The following CSMD1 variants were observed in gnomAD, a reference collection of about 807,000 sequenced individuals.
The protein encoded by CSMD1 is CUB and Sushi multiple domains 1, also known as CUB and sushi domain-containing protein 1.
Under a neutral mutation model 417.5 loss-of-function variants are expected in CSMD1, and 213 were observed. The ratio of observed to expected loss-of-function variants is 0.51; its 90% CI spans 0.46 to 0.57. The LOEUF (loss-of-function observed/expected upper bound fraction) is 0.57, where lower values mean the gene tolerates loss of function less well. Among genes scored for constraint, CSMD1 ranks in the 20% least tolerant of loss-of-function variants. The pLI, the probability that CSMD1 is intolerant of heterozygous loss-of-function variation, is 0.00. For synonymous variants in CSMD1, 2,862 were observed against 1,736.8 expected (o/e 1.65, Z -16.11); for missense variants, 6,923 against 4,529.7 (o/e 1.53, Z -15.17).
At chr8:4,315,790 A>C (rs1339037697) in intron 3 of CSMD1, among the ~76,000 whole-genome samples, 2 of 109,740 alleles carry the variant, frequency 1.8e-5, no homozygotes, top group Non-Finnish European at 4.3e-5. Context: ...TATTTTGCAT[A>C]AAGTAATTCA....
At chr8:4,396,336 A>T (rs770775916) in intron 3 of CSMD1, among the ~76,000 whole-genome samples, 3 of 151,524 alleles carry the variant, frequency 2.0e-5, no homozygotes, top group Non-Finnish European at 4.4e-5. Context: ...GCATGGTAGC[A>T]TGCACCTGTA....
At chr8:3,414,815 C>T (rs1166279881) in intron 12 of CSMD1, among the ~76,000 whole-genome samples, 9 of 152,268 alleles carry the variant, frequency 5.9e-5, no homozygotes. Flanking sequence ...ATATTTAGTC[C>T]ATTCTTTCCT....
At chr8:3,788,201 A>G (rs373720505) in intron 5 of CSMD1, among the ~76,000 whole-genome samples, 2 of 152,224 alleles carry the variant, frequency 1.3e-5, no homozygotes, top group South Asian at 2.1e-4. Flanking sequence ...CAAATTACAG[A>G]TAGTTGGATC....
At chr8:3,830,721 T>C (rs79390259) in intron 5 of CSMD1, among the ~76,000 whole-genome samples, 3,015 of 152,186 alleles carry the variant, frequency 0.02, 109 homozygotes, top group African/African-American at 0.069. Flanking sequence ...CTGCTGAACT[T>C]TGTGTTTATT....
intron 3 of CSMD1, among the ~76,000 whole-genome samples, chr8:4,187,533 A>T (rs1798754856): frequency 6.6e-6 from 1 of 152,130 alleles, no homozygotes. Flanking sequence ...AATCCCAGCT[A>T]CTTGGGAGAC....
intron 5 of CSMD1, among the ~76,000 whole-genome samples, chr8:3,868,902 T>C (rs1225215071): frequency 6.6e-6 from 1 of 152,180 alleles, no homozygotes; most frequent in Non-Finnish European, 1.5e-5. Context: ...TGCTTCCATC[T>C]TTCCAACATC....
At chr8:3,480,736 A>G (rs972551542) in intron 11 of CSMD1, among the ~76,000 whole-genome samples, 5 of 152,194 alleles carry the variant, frequency 3.3e-5, no homozygotes, top group African/African-American at 1.2e-4. Context: ...TGATTTTCCC[A>G]TTTGGGATCA....
chr8:3,794,937 T>C (rs1313866899), intron 5 of CSMD1, among the ~76,000 whole-genome samples: 1 of 151,930 alleles, frequency 6.6e-6, no homozygotes, highest in Non-Finnish European at 1.5e-5. Flanking sequence ...AACCTTCTAA[T>C]GTATAGCTAT....
At chr8:3,061,460 T>C (rs533101323) in intron 49 of CSMD1, among the ~76,000 whole-genome samples, 1 of 152,228 alleles carries the variant, frequency 6.6e-6, no homozygotes, top group Non-Finnish European at 1.5e-5. Flanking sequence ...TCAAATGTTT[T>C]CTCTGCACCG....
intron 28 of CSMD1, among the ~76,000 whole-genome samples, chr8:3,220,381 G>C (rs142758408): frequency 1.3e-5 from 2 of 152,184 alleles, no homozygotes; most frequent in East Asian, 1.9e-4. Context: ...AAATTCAAAG[G>C]TGTCAAGGGC....
At chr8:4,115,484 AT>A (rs917281127) in intron 3 of CSMD1, among the ~76,000 whole-genome samples, 178 of 152,212 alleles carry the variant, frequency 1.2e-3, no homozygotes, top group African/African-American at 4.2e-3. Context: ...CTTTAGACGT[AT>A]TTTTTTACAA....
chr8:4,013,359 C>A (rs1378873902), intron 4 of CSMD1, among the ~76,000 whole-genome samples: 2 of 152,138 alleles, frequency 1.3e-5, no homozygotes, highest in Non-Finnish European at 1.5e-5. Flanking sequence ...CTGGTTGATC[C>A]CTCTGTCAGA....
intron 2 of CSMD1, among the ~76,000 whole-genome samples, chr8:4,520,057 A>C (rs546829982): frequency 6.6e-6 from 1 of 151,992 alleles, no homozygotes; most frequent in South Asian, 2.1e-4. Context: ...TTAACACTCA[A>C]CTTTCTCTTT....
At chr8:3,344,665 G>A (rs1181067271) in intron 22 of CSMD1, among the ~76,000 whole-genome samples, 1 of 152,168 alleles carries the variant, frequency 6.6e-6, no homozygotes, top group African/African-American at 2.4e-5. Flanking sequence ...CAGAGTCTTA[G>A]TAGGCTCTTC....
intron 1 of CSMD1, among the ~76,000 whole-genome samples, chr8:4,958,696 A>C (rs111473237): frequency 0.014 from 2,161 of 152,284 alleles, 43 homozygotes; most frequent in African/African-American, 0.048. Flanking sequence ...AATAATAGAC[A>C]TAATTAGATT....
At chr8:4,976,335 A>T (rs541465522) in intron 1 of CSMD1, among the ~76,000 whole-genome samples, 184 of 152,304 alleles carry the variant, frequency 1.2e-3, no homozygotes, top group African/African-American at 4.3e-3. Flanking sequence ...TCCTTCTCTC[A>T]GTTTCTTTCA....
chr8:3,474,869 T>A (rs1005112557), intron 11 of CSMD1, among the ~76,000 whole-genome samples: 2 of 152,196 alleles, frequency 1.3e-5, no homozygotes, highest in African/African-American at 4.8e-5. Flanking sequence ...AATAATGTTA[T>A]CCTAATGAAA....
chr8:3,931,642 G>A lies in CSMD1; in HGVS notation c.818+66261C>T, dbSNP rs1810152996. ...GAGACAGAGAAAAGTGCCTCAGGATGTCTTTTCACCTTGTATAGTTCTAAA... is the reference window on the plus strand; with the variant it reads ...GAGACAGAGAAAAGTGCCTCAGGATATCTTTTCACCTTGTATAGTTCTAAA... On this transcript the variant is annotated intron_variant, in intron 5 of 69. Transcript: ENST00000635120. 1.3e-5 allele frequency among the ~76,000 whole-genome samples: 2 copies of A among 149,652 alleles called. 1 individual carries two copies. Among genetic ancestry groups the A allele is most frequent in the Non-Finnish European group, 3.0e-5 (2 of 67,398 alleles).
At chr8:4,290,498 G>C (rs1052896414) in intron 3 of CSMD1, among the ~76,000 whole-genome samples, 4 of 151,908 alleles carry the variant, frequency 2.6e-5, no homozygotes, top group African/African-American at 4.8e-5. Flanking sequence ...CATAGCATGA[G>C]AAAAAAAGGA....
Sources: allele counts gnomAD v4.1 joint callset (sites outside exome capture counted in the v4.1 genomes callset), GRCh38; gene constraint gnomAD v4.1.1; transcripts MANE v1.5; gene names NCBI Gene and HGNC (gene_info 2026-07-23, HGNC 2026-07-21).